Variants in RNF169 observed in about 807,000 individuals in gnomAD.
The protein encoded by RNF169 is ring finger protein 169, also known as E3 ubiquitin-protein ligase RNF169.
RNF169 carries 24 observed loss-of-function variants against 53.9 expected under a neutral mutation model. The ratio of observed to expected loss-of-function variants is 0.45; its 90% CI spans 0.32 to 0.63. The LOEUF (loss-of-function observed/expected upper bound fraction) is 0.63, where lower values mean the gene tolerates loss of function less well. Ranked by LOEUF, RNF169 falls within the 20% of genes least tolerant of loss-of-function variation. RNF169 has a pLI of 0.04. For synonymous variants in RNF169, 396 were observed against 363.5 expected (o/e 1.09, Z -1.02); for missense variants, 883 against 906.2 (o/e 0.97, Z 0.33).
intron 4 of RNF169, among the ~76,000 whole-genome samples, chr11:74,824,567 A>T (rs914627110): frequency 1.3e-5 from 2 of 152,236 alleles, no homozygotes; most frequent in African/African-American, 4.8e-5. Flanking sequence ...TGTTATAATC[A>T]AACTGTTGAA....
At chr11:74,768,826 C>G (rs1234790777) in intron 1 of RNF169, among the ~76,000 whole-genome samples, 1 of 152,020 alleles carries the variant, frequency 6.6e-6, no homozygotes, top group Non-Finnish European at 1.5e-5. Flanking sequence ...GAGAGGATTG[C>G]TTGAGGCCAG....
At chr11:74,817,075 T>A (rs145267869) in intron 3 of RNF169, among the ~76,000 whole-genome samples, 1 of 152,184 alleles carries the variant, frequency 6.6e-6, no homozygotes, top group African/African-American at 2.4e-5. Context: ...TCTGAGAGAC[T>A]TTCTAGAAGT....
intron 1 of RNF169, among the ~76,000 whole-genome samples, chr11:74,753,155 A>G (rs1215443200): frequency 6.6e-6 from 1 of 152,018 alleles, no homozygotes; most frequent in Non-Finnish European, 1.5e-5. Context: ...TTTAGTAGAG[A>G]CGGGGTTTCT....
chr11:74,754,046 C>T (rs979281689), intron 1 of RNF169, among the ~76,000 whole-genome samples: 2 of 152,058 alleles, frequency 1.3e-5, no homozygotes, highest in Non-Finnish European at 2.9e-5. Context: ...ATCTGCAACT[C>T]GTATATATTG....
chr11:74,768,606 TAAA>T (rs35118389), intron 1 of RNF169, among the ~76,000 whole-genome samples: 2 of 131,330 alleles, frequency 1.5e-5, no homozygotes, highest in African/African-American at 2.8e-5. Flanking sequence ...GACTCTGTCT[TAAA>T]AAAAAAAAAA....
chr11:74,835,256 G>A (rs1048222538), intron 5 of RNF169, among the ~76,000 whole-genome samples: 1 of 152,124 alleles, frequency 6.6e-6, no homozygotes, highest in African/African-American at 2.4e-5. Flanking sequence ...ACAGCACTTT[G>A]GGAGGTATAA....
intron 3 of RNF169, 102 bp downstream of exon 3, chr11:74,810,432 TAAC>T (rs2035859823): frequency 9.7e-7 from 1 of 1,029,914 alleles, no homozygotes; most frequent in South Asian, 1.3e-5. Flanking sequence ...GTGAGACCAG[TAAC>T]AGTCAGTGAC....
intron 1 of RNF169, among the ~76,000 whole-genome samples, chr11:74,767,778 C>T (rs556607503): frequency 2.4e-4 from 36 of 151,828 alleles, no homozygotes; most frequent in African/African-American, 8.5e-4. Context: ...GGGGTTTCAC[C>T]GTGTTAGCCA....
chr11:74,782,968 A>G (rs946169127), intron 1 of RNF169, among the ~76,000 whole-genome samples: 9 of 151,436 alleles, frequency 5.9e-5, no homozygotes, highest in African/African-American at 2.2e-4. Flanking sequence ...GACTATTCAA[A>G]TGAGTGTCTT....
intron 1 of RNF169, among the ~76,000 whole-genome samples, chr11:74,763,302 G>A (rs1462930185): frequency 6.6e-6 from 1 of 152,120 alleles, no homozygotes; most frequent in African/African-American, 2.4e-5. Context: ...AACTGAAGAT[G>A]AATTTATGAT....
chr11:74,791,579 C>T (rs1030084784), intron 2 of RNF169, among the ~76,000 whole-genome samples: 1 of 152,236 alleles, frequency 6.6e-6, no homozygotes, highest in Non-Finnish European at 1.5e-5. Flanking sequence ...GCTGCCATGT[C>T]AGCATCACCA....
Position 74,836,963 on chromosome 11 carries a change from G to A in RNF169, c.*233G>A, listed in dbSNP as rs75900775. ...CCCTAAGGGCTTCTGGGCCAAACCT[G>A]GCAGCACCCACTGGGAATGAGATTT... On this transcript the variant is annotated 3_prime_UTR_variant, in exon 6 of 6. Transcript: ENST00000299563. 0.012 allele frequency: 5,399 copies of A among 435,648 alleles called. 62 individuals are homozygous for A. The highest frequency in any genetic ancestry group is 0.017 in the Non-Finnish European group (4,090 of 243,894). 27.0% of individuals were successfully genotyped at this position (435,648 alleles called of 1,614,324 possible).
chr11:74,783,856 G>A (rs2035451706), intron 1 of RNF169, among the ~76,000 whole-genome samples: 1 of 152,164 alleles, frequency 6.6e-6, no homozygotes. Context: ...TTGTTTTATT[G>A]TATGTGATTG....
At chr11:74,826,275 A>G (rs991175743) in intron 4 of RNF169, among the ~76,000 whole-genome samples, 2 of 152,148 alleles carry the variant, frequency 1.3e-5, no homozygotes, top group Non-Finnish European at 1.5e-5. Context: ...ACAGCGAGCC[A>G]AGATTGAGCC....
chr11:74,825,240 G>T (rs1382949036), intron 4 of RNF169, among the ~76,000 whole-genome samples: 1 of 152,132 alleles, frequency 6.6e-6, no homozygotes, highest in East Asian at 1.9e-4. Flanking sequence ...TTAAAAGGTT[G>T]AAATAATAAC....
At chr11:74,798,472 G>A (rs529468580) in intron 2 of RNF169, among the ~76,000 whole-genome samples, 1 of 152,212 alleles carries the variant, frequency 6.6e-6, no homozygotes, top group East Asian at 1.9e-4. Flanking sequence ...TGATCAGACC[G>A]GTTGATCTCA....
At chr11:74,829,470 G>A (rs1039591597) in intron 4 of RNF169, among the ~76,000 whole-genome samples, 2 of 152,170 alleles carry the variant, frequency 1.3e-5, no homozygotes, top group African/African-American at 2.4e-5. Flanking sequence ...AATACCATTT[G>A]ACCCAGCAAT....
intron 4 of RNF169, among the ~76,000 whole-genome samples, chr11:74,825,197 T>A (rs1445141424): frequency 2.6e-5 from 4 of 152,208 alleles, no homozygotes; most frequent in Non-Finnish European, 5.9e-5. Context: ...ATATAGACTG[T>A]ATGTTAGACC....
At chr11:74,820,121 A>G (rs1002651738) in intron 4 of RNF169, among the ~76,000 whole-genome samples, 1 of 152,190 alleles carries the variant, frequency 6.6e-6, no homozygotes, top group African/African-American at 2.4e-5. Context: ...AAATTCACAG[A>G]TGAAATACAA....
Sources: allele counts gnomAD v4.1 joint callset (sites outside exome capture counted in the v4.1 genomes callset), GRCh38; gene constraint gnomAD v4.1.1; transcripts MANE v1.5; gene names NCBI Gene and HGNC (gene_info 2026-07-23, HGNC 2026-07-21).